Variants in NR3C1 observed in about 807,000 individuals in gnomAD.
NR3C1 encodes the protein glucocorticoid receptor.
Under a neutral mutation model 74.0 loss-of-function variants are expected in NR3C1, and 14 were observed. The ratio of observed to expected loss-of-function variants is 0.19; its 90% CI spans 0.12 to 0.30. The LOEUF (loss-of-function observed/expected upper bound fraction) is 0.30. Ranked by LOEUF, NR3C1 falls within the 10% of genes least tolerant of loss-of-function variation. NR3C1 has a pLI of 1.00. For missense variants in NR3C1, 695 were observed against 909.8 expected (o/e 0.76, Z 3.04); for synonymous variants, 308 against 332.5 (o/e 0.93, Z 0.80).
intron 7 of NR3C1, among the ~76,000 whole-genome samples, chr5:143,285,374 T>C (rs1053559720): frequency 2.6e-5 from 4 of 152,118 alleles, no homozygotes; most frequent in East Asian, 1.9e-4. Flanking sequence ...GTCAGAGATA[T>C]AGCAGACAAA....
intron 5 of NR3C1, among the ~76,000 whole-genome samples, chr5:143,299,323 C>G (rs1164026875): frequency 6.9e-6 from 1 of 145,200 alleles, no homozygotes; most frequent in Non-Finnish European, 1.5e-5. Flanking sequence ...CCCCTAGGTG[C>G]TTTTTAATAG....
intron 2 of NR3C1, among the ~76,000 whole-genome samples, chr5:143,327,260 AAACCATC>A (rs1824815152): frequency 6.6e-6 from 1 of 152,118 alleles, no homozygotes; most frequent in Non-Finnish European, 1.5e-5. Flanking sequence ...TGCCACATTT[AAACCATC>A]AACTCTCCTG....
intron 2 of NR3C1, among the ~76,000 whole-genome samples, chr5:143,335,187 G>T (rs886328185): frequency 2.0e-5 from 3 of 152,172 alleles, no homozygotes; most frequent in Non-Finnish European, 4.4e-5. Context: ...AGTGGTACAT[G>T]CCGAGGCCCT....
At chr5:143,308,535 T>C (rs920651063) in intron 4 of NR3C1, among the ~76,000 whole-genome samples, 4 of 152,156 alleles carry the variant, frequency 2.6e-5, no homozygotes, top group African/African-American at 7.2e-5. Context: ...TACTGCCATC[T>C]CTTATCTGGA....
At chr5:143,393,771 T>C (rs1486014025) in intron 2 of NR3C1, among the ~76,000 whole-genome samples, 1 of 152,090 alleles carries the variant, frequency 6.6e-6, no homozygotes, top group South Asian at 2.1e-4. Flanking sequence ...ATTGTATCAT[T>C]TCATAATAGC....
intron 1 of NR3C1, among the ~76,000 whole-genome samples, chr5:143,432,229 G>A (rs1751865895): frequency 6.6e-6 from 1 of 152,222 alleles, no homozygotes; most frequent in Non-Finnish European, 1.5e-5. Context: ...CTGGACCAGT[G>A]ATCTGGATCG....
chr5:143,295,612 G>A, intron 6 of NR3C1, 22 bp from the exon 7 acceptor site: 2 of 1,589,282 alleles, frequency 1.3e-6, no homozygotes, highest in Non-Finnish European at 8.6e-7. Flanking sequence ...AAATAGCAGG[G>A]TATTAGTTAG....
intron 2 of NR3C1, among the ~76,000 whole-genome samples, chr5:143,337,197 A>G (rs1020852123): frequency 2.0e-5 from 3 of 152,208 alleles, no homozygotes; most frequent in Non-Finnish European, 4.4e-5. Context: ...AGAAAAATGG[A>G]CAAAAAAACT....
intron 2 of NR3C1, among the ~76,000 whole-genome samples, chr5:143,396,126 CGTAA>C (rs1433075498): frequency 3.3e-5 from 5 of 151,678 alleles, no homozygotes; most frequent in Non-Finnish European, 5.9e-5. Flanking sequence ...ATAGAAACAT[CGTAA>C]GTAATTTCAA....
rs1815894276 is a variant in NR3C1, at chr5:143,291,318, C to T, written c.2023+4142G>A. Among the ~76,000 whole-genome samples the T allele has an allele frequency of 2.0e-5, 3 of 151,964 alleles. No homozygotes were observed. In the South Asian group the frequency reaches 6.2e-4, roughly 32 times the overall value. ...TTGGCTCTCTGCAACCTCTACGTCC[C>T]AGGTTCAAGTGATTCTCCTGCCTCA... On this transcript the variant is annotated intron_variant, in intron 7 of 8. Transcript: ENST00000394464.
rs148815845 is a variant in NR3C1 at position 143,354,510 on chromosome 5, T to C, written c.1185-40342A>G. ...TTTTAATATTATTGTCTCTCAGGGA[T>C]TTGAGAGTCCCAGGAAGAGGGAGAC... On this transcript the variant is annotated intron_variant, in intron 2 of 8. Transcript: ENST00000394464. 4.4e-3 allele frequency among the ~76,000 whole-genome samples: 671 copies of C among 152,184 alleles called. 2 individuals are homozygous for C. The highest frequency in any genetic ancestry group is 0.015 in the African/African-American group (639 of 41,532).
chr5:143,364,702 AT>A lies in NR3C1; in HGVS notation c.1184+34953del, dbSNP rs796829264. Among the ~76,000 whole-genome samples, 1,170 of 150,674 alleles carry A rather than the reference AT, an allele frequency of 7.8e-3. 23 individuals are homozygous for A. Among genetic ancestry groups the A allele is most frequent in the African/African-American group, 0.027 (1,113 of 41,188 alleles). On this transcript the variant is annotated intron_variant, in intron 2 of 8. Transcript: ENST00000394464. ...TTGAGTTGATATTAATCTAAATTAG[AT>A]TTTTTTTTTCCTTCATTTCTTTGGG...
chr5:143,292,974 C>G (rs1192327149), intron 7 of NR3C1, among the ~76,000 whole-genome samples: 1 of 152,138 alleles, frequency 6.6e-6, no homozygotes, highest in Admixed American at 6.5e-5. Flanking sequence ...TTTTCAGTAC[C>G]TACAGATTTC....
intron 2 of NR3C1, among the ~76,000 whole-genome samples, chr5:143,335,289 T>G (rs1035924488): frequency 6.6e-6 from 1 of 152,044 alleles, no homozygotes; most frequent in South Asian, 2.1e-4. Context: ...TGAGGAAAAC[T>G]CTCTGTAACC....
At chr5:143,310,001 C>T (rs1377822616) in intron 4 of NR3C1, 96 bp downstream of exon 4, 11 of 919,312 alleles carry the variant, frequency 1.2e-5, no homozygotes, top group Non-Finnish European at 2.0e-5. Context: ...GAACTGACTA[C>T]ATTAATTACA....
intron 7 of NR3C1, among the ~76,000 whole-genome samples, chr5:143,288,348 T>C (rs903660486): frequency 3.9e-5 from 6 of 152,054 alleles, no homozygotes; most frequent in African/African-American, 7.2e-5. Context: ...CTCGAACTCC[T>C]GACTTGATGA....
rs553179235 is a variant in NR3C1, at chr5:143,393,762, T to C, written c.1184+5894A>G. ...ATGAAATAATAAATCATGTAGTGAA[T>C]TGTATCATTTCATAATAGCTTTCAA... On this transcript the variant is annotated intron_variant, in intron 2 of 8. Transcript: ENST00000394464. Among the ~76,000 whole-genome samples the C allele has an allele frequency of 5.9e-5, 9 of 152,238 alleles. 1 individual carries two copies. Among genetic ancestry groups the C allele is most frequent in the African/African-American group, 1.9e-4 (8 of 41,586 alleles).
rs1182025204 is a variant in NR3C1 at position 143,400,812 on chromosome 5, C to G, written c.28G>C (p.Gly10Arg). ...ACACTGCTGGGGTTTTCTTCTCTAC[C>G]AGGAGTTAATGATTCTTTGGAGTCC... MDSKESLTP[G>R]REENPSSVLA... Residue 10 changes from glycine (G) to arginine (R), a missense_variant, in exon 2 of 9, where the codon GGT (glycine) becomes CGT (arginine). By Grantham distance (125) the Gly-to-Arg change is moderately radical. Around this residue, in one of 4 missense-constraint regions of NR3C1, gnomAD observed 497 missense variants for 489.5 expected, o/e 1.02. Coordinates refer to ENST00000394464, the MANE Select transcript of NR3C1 (RefSeq NM_000176.3). The G allele has an allele frequency of 1.9e-6, 3 of 1,613,874 alleles. No individual in the cohort carries two copies. Among genetic ancestry groups the G allele is most frequent in the Non-Finnish European group, 2.5e-6 (3 of 1,180,038 alleles).
intron 7 of NR3C1, among the ~76,000 whole-genome samples, chr5:143,290,273 A>T (rs1373382615): frequency 6.6e-6 from 1 of 152,206 alleles, no homozygotes; most frequent in Admixed American, 6.6e-5. Flanking sequence ...TGTATTTGTA[A>T]ATAAAGTTTT....
Sources: gnomAD v4.1 joint callset for allele counts (sites outside exome capture counted in the v4.1 genomes callset) on GRCh38, gnomAD v4.1.1 for gene constraint, gnomAD v4.1.1 regional missense constraint, MANE v1.5 for transcripts, NCBI Gene and HGNC (gene_info 2026-07-23, HGNC 2026-07-21) for gene names.